The following EIF3H variants were observed in gnomAD, a reference collection of about 807,000 sequenced individuals.
EIF3H encodes the protein eukaryotic translation initiation factor 3 subunit H.
Under a neutral mutation model 44.2 loss-of-function variants are expected in EIF3H, and 26 were observed. The ratio of observed to expected loss-of-function variants is 0.59; its 90% confidence interval spans 0.43 to 0.82. EIF3H has a LOEUF of 0.82. EIF3H is among the 40% of genes least tolerant of loss of function. The pLI is 0.00. For missense variants in EIF3H, 359 were observed against 432.8 expected, an observed-to-expected ratio of 0.83 and a Z score of 1.51; for synonymous variants, 166 against 151.9, an observed-to-expected ratio of 1.09 and a Z score of -0.68.
At chr8:116,668,033 T>A (rs1342982857) in intron 2 of EIF3H, among the ~76,000 whole-genome samples, 1 of 152,176 alleles carries the variant, frequency 6.6e-6, no homozygotes, top group African/African-American at 2.4e-5. Context: ...AACCCCATCC[T>A]CAAACTCTAC....
Position 116,664,958 on chromosome 8 carries a change from C to T in EIF3H, c.290-5978G>A, listed in dbSNP as rs201506089. On this transcript the variant is annotated intron_variant, in intron 2 of 7. Coordinates refer to ENST00000521861, the MANE Select transcript of EIF3H (RefSeq NM_003756.3). Reference sequence around the variant, plus strand: ...AGCACTTATTATGTCAGACTTCCTGCTAAGTGTTCCACATATGTTATCTAA... The same window carrying T: ...AGCACTTATTATGTCAGACTTCCTGTTAAGTGTTCCACATATGTTATCTAA... Among the ~76,000 whole-genome samples, 527 of 152,244 alleles carry T rather than the reference C, an allele frequency of 3.5e-3. 6 individuals are homozygous for T. The highest frequency in any genetic ancestry group is 5.8e-3 in the Admixed American group (89 of 15,300).
rs1262810105 is a variant in EIF3H at position 116,724,466 on chromosome 8, T to C, written c.289+1550A>G. Among the ~76,000 whole-genome samples the C allele has an allele frequency of 2.6e-5, 4 of 151,920 alleles. No individual in the cohort carries two copies. The East Asian group carries it at 5.8e-4, about 22-fold the overall frequency. Reference sequence around the variant, plus strand: ...CAGACAAATGGGAGTATATCAAATGTAAAAACTCCTGCCCAGCAAAGGAAA... The same window carrying C: ...CAGACAAATGGGAGTATATCAAATGCAAAAACTCCTGCCCAGCAAAGGAAA... On this transcript the variant is annotated intron_variant, in intron 2 of 7. Coordinates refer to ENST00000521861, the MANE Select transcript of EIF3H (RefSeq NM_003756.3).
intron 2 of EIF3H, among the ~76,000 whole-genome samples, chr8:116,701,512 G>A (rs1388830065): frequency 1.3e-5 from 2 of 152,056 alleles, no homozygotes; most frequent in Non-Finnish European, 2.9e-5. Flanking sequence ...AATAGAGTAG[G>A]GGAAGGAATA....
At chr8:116,663,970 T>TG in intron 2 of EIF3H, among the ~76,000 whole-genome samples, 1 of 151,480 alleles carries the variant, frequency 6.6e-6, no homozygotes. Flanking sequence ...TCGTTACTAT[T>TG]AGGCCAACTC....
intron 2 of EIF3H, among the ~76,000 whole-genome samples, chr8:116,710,503 T>C (rs1223835283): frequency 6.6e-6 from 1 of 152,226 alleles, no homozygotes; most frequent in Non-Finnish European, 1.5e-5. Context: ...ACCTTCATTT[T>C]TATTTAATAT....
At chr8:116,739,596 G>A (rs1389750656) in intron 1 of EIF3H, among the ~76,000 whole-genome samples, 2 of 152,236 alleles carry the variant, frequency 1.3e-5, no homozygotes, top group Non-Finnish European at 2.9e-5. Flanking sequence ...CTTGCAGTGA[G>A]CCGAGATGGT....
chr8:116,764,771 G>A (rs1022867054), intron 1 of EIF3H, among the ~76,000 whole-genome samples: 2 of 152,102 alleles, frequency 1.3e-5, no homozygotes, highest in Admixed American at 6.5e-5. Flanking sequence ...CTCCCGCCTC[G>A]GGCTCCCGAA....
At position 116,741,236 on chromosome 8, in the gene EIF3H, G is replaced by A. The variant is rs115574751; in HGVS notation, c.132+14430C>T. Among the ~76,000 whole-genome samples the A allele has an allele frequency of 2.2e-3, 334 of 152,094 alleles. 3 individuals carry two copies. The highest frequency in any genetic ancestry group is 7.5e-3 in the African/African-American group (310 of 41,486). The stretch of plus-strand genomic sequence containing the variant: ...GCACAGACACTTGTCTCCCCAGAAT[G>A]TTTTCAGTTCATTCCTCAGAGATTT... On this transcript the variant is annotated intron_variant, in intron 1 of 7. Coordinates refer to ENST00000521861, the MANE Select transcript of EIF3H (RefSeq NM_003756.3).
chr8:116,646,729 G>A, intron 6 of EIF3H, 126 bp from the exon 7 acceptor site: 1 of 1,306,812 alleles, frequency 7.7e-7, no homozygotes, highest in Non-Finnish European at 1.0e-6. Flanking sequence ...TTTATCATTG[G>A]CAACATTTGG....
intron 5 of EIF3H, among the ~76,000 whole-genome samples, chr8:116,653,626 AT>A (rs1463645338): frequency 1.3e-5 from 2 of 152,184 alleles, no homozygotes; most frequent in Non-Finnish European, 2.9e-5. Context: ...GTATCAATTT[AT>A]GCTTATAATC....
At chr8:116,754,199 C>T (rs1320289526) in intron 1 of EIF3H, among the ~76,000 whole-genome samples, 9 of 152,012 alleles carry the variant, frequency 5.9e-5, no homozygotes, top group Admixed American at 6.6e-5. Context: ...CTGCAACCTC[C>T]GCCTCCCAGG....
intron 2 of EIF3H, among the ~76,000 whole-genome samples, chr8:116,725,768 A>G (rs937807695): frequency 6.6e-6 from 1 of 152,224 alleles, no homozygotes; most frequent in African/African-American, 2.4e-5. Flanking sequence ...ACATCAGCAC[A>G]GTTCCTATCC....
At chr8:116,676,646 C>T (rs1300321151) in intron 2 of EIF3H, among the ~76,000 whole-genome samples, 1 of 152,110 alleles carries the variant, frequency 6.6e-6, no homozygotes, top group Non-Finnish European at 1.5e-5. Flanking sequence ...CATATCAGAC[C>T]ACAAGCCTGA....
chr8:116,704,823 T>C (rs535249602), intron 2 of EIF3H, among the ~76,000 whole-genome samples: 27 of 69,744 alleles, frequency 3.9e-4, no homozygotes, highest in Non-Finnish European at 5.2e-4. Context: ...TAAAGCAAAT[T>C]ATTTCAAGCA....
chr8:116,734,241 G>A (rs1441232037), intron 1 of EIF3H: 1 of 454,100 alleles, frequency 2.2e-6, no homozygotes, highest in East Asian at 7.0e-5. Context: ...AAGAAAAGGG[G>A]AAATGTAACA....
chr8:116,670,758 TA>T (rs1813739817), intron 2 of EIF3H, among the ~76,000 whole-genome samples: 10 of 152,204 alleles, frequency 6.6e-5, no homozygotes, highest in Non-Finnish European at 1.3e-4. Context: ...ACCTTAGATA[TA>T]AATAGCTCTA....
rs56998977 is a variant in EIF3H at position 116,697,069 on chromosome 8, T to A, written c.289+28947A>T. The A allele has an allele frequency of 1.4e-3, 651 of 456,110 alleles. 3 individuals carry two copies. Among genetic ancestry groups the A allele is most frequent in the African/African-American group, 0.012 (594 of 50,088 alleles). 28.3% of individuals were successfully genotyped at this position (456,110 alleles called of 1,614,324 possible). A position where few individuals can be genotyped will look rare whatever the true frequency, so the allele number is the denominator to read the frequency against. The stretch of plus-strand genomic sequence containing the variant: ...CTGGCTCACCTCTCCAGCTGGGATC[T>A]CTCTCCTGAGAGGCCTCCATCACCA... On this transcript the variant is annotated intron_variant, in intron 2 of 7. Coordinates refer to ENST00000521861, the MANE Select transcript of EIF3H (RefSeq NM_003756.3).
intron 1 of EIF3H, among the ~76,000 whole-genome samples, chr8:116,748,434 G>C (rs1184737742): frequency 2.6e-5 from 4 of 152,140 alleles, no homozygotes; most frequent in Non-Finnish European, 5.9e-5. Context: ...TAAAAAGATG[G>C]AGAAATATGA....
intron 1 of EIF3H, among the ~76,000 whole-genome samples, chr8:116,747,033 T>C (rs1183872486): frequency 6.6e-6 from 1 of 152,162 alleles, no homozygotes; most frequent in Non-Finnish European, 1.5e-5. Flanking sequence ...ACAGATCTAC[T>C]GTCCTGTCTG....
Sources: gnomAD v4.1 joint callset for allele counts (sites outside exome capture counted in the v4.1 genomes callset) on GRCh38, gnomAD v4.1.1 for gene constraint, MANE v1.5 for transcripts, NCBI Gene and HGNC (gene_info 2026-07-23, HGNC 2026-07-21) for gene names.